HNMT: variants seen among roughly 807,000 people sequenced by gnomAD.
The protein encoded by HNMT is histamine N-methyltransferase.
A neutral mutation model predicts 32.1 loss-of-function variants in HNMT; 30 were observed. That is an observed-to-expected ratio of 0.93 (90% CI 0.70 to 1.27). The LOEUF is 1.27. HNMT is among the 50% of genes most tolerant of loss of function. The pLI is 0.00. For missense variants in HNMT, 327 were observed against 346.0 expected (o/e 0.95, Z 0.43); for synonymous variants, 125 against 119.0 (o/e 1.05, Z -0.33).
At chr2:138,008,896 T>A (rs1573680045) in intron 5 of HNMT, among the ~76,000 whole-genome samples, 2 of 151,992 alleles carry the variant, frequency 1.3e-5, no homozygotes, top group East Asian at 3.9e-4. Context: ...AATAAAAACA[T>A]TGGCAAATGG....
intron 2 of HNMT, among the ~76,000 whole-genome samples, chr2:137,980,982 T>G (rs1246600074): frequency 1.3e-5 from 2 of 152,138 alleles, no homozygotes; most frequent in East Asian, 3.9e-4. Flanking sequence ...ATTTTTCATC[T>G]CCAAGCACGG....
At chr2:137,996,543 C>T (rs1681001026) in intron 2 of HNMT, among the ~76,000 whole-genome samples, 2 of 152,178 alleles carry the variant, frequency 1.3e-5, no homozygotes, top group South Asian at 2.1e-4. Flanking sequence ...AATGGAAAAA[C>T]ATTCCATCCT....
chr2:137,977,283 T>G (rs1680313949), intron 2 of HNMT, among the ~76,000 whole-genome samples: 1 of 152,210 alleles, frequency 6.6e-6, no homozygotes. Context: ...CAAATTTGTA[T>G]CTTGCCAGTT....
intron 2 of HNMT, among the ~76,000 whole-genome samples, chr2:137,989,861 C>T (rs943037835): frequency 6.6e-6 from 1 of 152,022 alleles, no homozygotes; most frequent in African/African-American, 2.4e-5. Context: ...TGAAATATCT[C>T]TTTATATATT....
intron 2 of HNMT, among the ~76,000 whole-genome samples, chr2:137,977,185 G>A (rs1298985474): frequency 1.3e-5 from 2 of 152,244 alleles, no homozygotes; most frequent in Admixed American, 6.5e-5. Context: ...TGTTGTTAAC[G>A]TTTGAGTGTT....
At chr2:137,971,062 T>A (rs1295797710) in intron 2 of HNMT, among the ~76,000 whole-genome samples, 1 of 152,016 alleles carries the variant, frequency 6.6e-6, no homozygotes, top group African/African-American at 2.4e-5. Context: ...AGTGACAGAG[T>A]TAATTTACAT....
chr2:137,994,583 T>G (rs1680929092), intron 2 of HNMT, among the ~76,000 whole-genome samples: 1 of 152,188 alleles, frequency 6.6e-6, no homozygotes, highest in Non-Finnish European at 1.5e-5. Context: ...TGGGAGATTT[T>G]AACACCCCAC....
Position 137,990,150 on chromosome 2 carries a change from G to C in HNMT, c.191-10768G>C, listed in dbSNP as rs190962979. The stretch of plus-strand genomic sequence containing the variant: ...TATGCCTTTGGTTTCTATTTAAAAA[G>C]TCATCGCCGTACCCAAGGTCATCTA... On this transcript the variant is annotated intron_variant, in intron 2 of 5. Transcript: ENST00000280097. Among the ~76,000 whole-genome samples the C allele has an allele frequency of 6.6e-5, 10 of 152,190 alleles. No individual in the cohort carries two copies. The East Asian group carries it at 1.9e-3, about 29-fold the overall frequency.
chr2:137,964,641 A>G lies in HNMT; in HGVS notation c.137+13A>G. The G allele has an allele frequency of 6.2e-7, 1 of 1,613,568 alleles. No individual in the cohort carries two copies. The highest frequency in any genetic ancestry group is 8.5e-7 in the Non-Finnish European group (1 of 1,179,576). ...GCATAATAGGAAGGTAACAAAAGGG[A>G]CGTTGTTGTCAAAGGGACAAGCCTC... On this transcript the variant is annotated intron_variant, in intron 1 of 5. Coordinates refer to ENST00000280097, the MANE Select transcript of HNMT (RefSeq NM_006895.3).
intron 2 of HNMT, among the ~76,000 whole-genome samples, chr2:137,978,502 C>T (rs1680360707): frequency 7.6e-6 from 1 of 130,966 alleles, no homozygotes; most frequent in South Asian, 2.4e-4. Flanking sequence ...TTATACAATA[C>T]ATATGATTAT....
chr2:137,978,396 A>G (rs952632428), intron 2 of HNMT, among the ~76,000 whole-genome samples: 6 of 146,360 alleles, frequency 4.1e-5, no homozygotes, highest in African/African-American at 1.5e-4. Context: ...ATATAGTATT[A>G]TACAATACAT....
At chr2:138,002,546 T>C (rs1681205677) in intron 4 of HNMT, 1 of 239,630 alleles carries the variant, frequency 4.2e-6, no homozygotes. Flanking sequence ...ATCCTGAGCT[T>C]AAGCAATTCT....
Position 138,013,845 on chromosome 2 carries a change from T to C in HNMT, c.594T>C (p.Tyr198=), listed in dbSNP as rs11569725. Residue 198 remains tyrosine, a synonymous_variant, in exon 6 of 6, where the codon TAT becomes TAC. Coordinates refer to ENST00000280097, the MANE Select transcript of HNMT (RefSeq NM_006895.3). The stretch of plus-strand genomic sequence containing the variant: ...TTCCCCAGGATGACCTCTGCCAGTA[T>C]ATCACATCAGATGACCTCACTCAGA... ...SRFPQDDLCQ[Y]ITSDDLTQML... 8.7e-5 allele frequency: 141 copies of C among 1,613,786 alleles called. 1 individual carries two copies. The African/African-American group carries it at 1.8e-3, about 20-fold the overall frequency.
chr2:137,981,108 C>T, intron 2 of HNMT: 4 of 1,282,386 alleles, frequency 3.1e-6, no homozygotes, highest in South Asian at 1.8e-5. Context: ...TAAATTTTTC[C>T]TGCTGATAAT....
intron 2 of HNMT, among the ~76,000 whole-genome samples, chr2:137,979,163 A>G (rs1680403890): frequency 6.8e-6 from 1 of 148,102 alleles, no homozygotes; most frequent in Non-Finnish European, 1.5e-5. Flanking sequence ...GACAAACTAT[A>G]TGTAAAATTA....
At chr2:138,003,113 T>C (rs12618240) in intron 4 of HNMT, among the ~76,000 whole-genome samples, 98,872 of 126,854 alleles carry the variant, frequency 0.78, 39,152 homozygotes, top group Non-Finnish European at 0.8. Flanking sequence ...AGGGATAGCA[T>C]CGGGAGATAT....
rs575127761 is a variant in HNMT, at chr2:137,981,353, T to C, written c.190+11136T>C. 8 of 1,612,944 alleles carry C rather than the reference T, an allele frequency of 5.0e-6. No homozygotes were observed. The East Asian group carries it at 6.7e-5, about 13-fold the overall frequency. ...TGAGTTGCCATTTGGAGCTGCCCGT[T>C]TAGAAAGCAAATCTGCATTTCCCTC... On this transcript the variant is annotated intron_variant, in intron 2 of 5. Transcript: ENST00000280097.
intron 2 of HNMT, among the ~76,000 whole-genome samples, chr2:137,993,027 C>A (rs1364818422): frequency 6.6e-6 from 1 of 152,110 alleles, no homozygotes; most frequent in East Asian, 1.9e-4. Context: ...CAAAAAGTCT[C>A]CACAAAAACT....
At chr2:137,995,965 A>T (rs562593284) in intron 2 of HNMT, among the ~76,000 whole-genome samples, 40 of 152,332 alleles carry the variant, frequency 2.6e-4, no homozygotes, top group African/African-American at 9.4e-4. Context: ...ATAAAATTAA[A>T]CTACTCTTCT....
Sources: allele counts gnomAD v4.1 joint callset (sites outside exome capture counted in the v4.1 genomes callset), GRCh38; gene constraint gnomAD v4.1.1; transcripts MANE v1.5; gene names NCBI Gene and HGNC (gene_info 2026-07-23, HGNC 2026-07-21).